The following ADA2 variants were observed in gnomAD, a reference collection of about 807,000 sequenced individuals.
ADA2 encodes the protein adenosine deaminase 2.
ADA2 carries 29 observed loss-of-function variants against 44.2 expected under a neutral mutation model. The observed-to-expected ratio is 0.66, with a 90% confidence interval of 0.49 to 0.89. ADA2 has a LOEUF of 0.89. Among genes scored for constraint, ADA2 ranks in the 40% least tolerant of loss-of-function variants. ADA2 has a pLI of 0.00. For synonymous variants in ADA2, 215 were observed against 234.9 expected (o/e 0.92, Z 0.77); for missense variants, 637 against 644.8 (o/e 0.99, Z 0.13).
intron 4 of ADA2, among the ~76,000 whole-genome samples, chr22:17,198,117 G>T (rs2062217446): frequency 6.6e-6 from 1 of 151,902 alleles, no homozygotes; most frequent in Non-Finnish European, 1.5e-5. Context: ...CCACATTTCA[G>T]AATTTTGCTT....
intron 7 of ADA2, among the ~76,000 whole-genome samples, chr22:17,188,063 G>C (rs927763233): frequency 2.0e-5 from 3 of 149,498 alleles, no homozygotes; most frequent in African/African-American, 7.4e-5. Context: ...GGGCGACAGA[G>C]GGAGACTCCG....
intron 7 of ADA2, among the ~76,000 whole-genome samples, chr22:17,187,676 AAAAAAAG>A (rs1211488432): frequency 1.3e-5 from 2 of 151,262 alleles, no homozygotes; most frequent in East Asian, 1.9e-4. Flanking sequence ...AAAAAAAAAA[AAAAAAAG>A]AAGAAGAAGA....
intron 4 of ADA2, 37 bp from the exon 5 acceptor site, chr22:17,191,847 C>CA: frequency 6.3e-7 from 1 of 1,587,228 alleles, no homozygotes; most frequent in Non-Finnish European, 8.6e-7. Flanking sequence ...GTCAGGTGAG[C>CA]AGTGAGAGAC....
intron 1 of ADA2, chr22:17,213,590 G>A: frequency 3.4e-6 from 1 of 290,582 alleles, no homozygotes; most frequent in South Asian, 3.2e-5. Context: ...AGCGGAAGAA[G>A]AAAAAGAAGG....
intron 3 of ADA2, among the ~76,000 whole-genome samples, chr22:17,205,718 C>G (rs2062347006): frequency 6.6e-6 from 1 of 152,222 alleles, no homozygotes; most frequent in South Asian, 2.1e-4. Context: ...TCGGCTCATG[C>G]CTGTAGTCCT....
intron 1 of ADA2, among the ~76,000 whole-genome samples, chr22:17,218,403 C>G (rs2062492899): frequency 6.6e-6 from 1 of 152,116 alleles, no homozygotes; most frequent in African/African-American, 2.4e-5. Context: ...AATCAGAGTG[C>G]TGGACGTCAG....
At chr22:17,213,217 G>A (rs1294884652) in intron 1 of ADA2, among the ~76,000 whole-genome samples, 1 of 152,126 alleles carries the variant, frequency 6.6e-6, no homozygotes, top group Non-Finnish European at 1.5e-5. Flanking sequence ...GTAGAGAAAA[G>A]GGAGCTCCTT....
intron 1 of ADA2, among the ~76,000 whole-genome samples, chr22:17,215,613 A>G (rs1251481000): frequency 5.3e-5 from 8 of 151,958 alleles, no homozygotes; most frequent in Non-Finnish European, 1.0e-4. Context: ...CTCAAAAAAA[A>G]AAAAAGAAAA....
intron 5 of ADA2, among the ~76,000 whole-genome samples, chr22:17,191,442 C>T (rs995276335): frequency 2.0e-5 from 3 of 152,202 alleles, no homozygotes; most frequent in African/African-American, 7.2e-5. Context: ...TTCACACATT[C>T]TTCATTTCAG....
At chr22:17,192,012 C>T (rs2062123022) in intron 4 of ADA2, among the ~76,000 whole-genome samples, 1 of 150,630 alleles carries the variant, frequency 6.6e-6, no homozygotes, top group Admixed American at 6.7e-5. Context: ...TCAACTCCTT[C>T]CCAGCCATCA....
chr22:17,188,475 G>A (rs1406983321), intron 6 of ADA2, 28 bp from the exon 7 acceptor site: 1 of 1,524,834 alleles, frequency 6.6e-7, no homozygotes, highest in Non-Finnish European at 9.1e-7. Flanking sequence ...ACAGGGAGGT[G>A]TCTGCAGGGC....
chr22:17,199,897 T>C, intron 4 of ADA2: 1 of 494,700 alleles, frequency 2.0e-6, no homozygotes, highest in Non-Finnish European at 3.2e-6. Context: ...CTGGGCAATA[T>C]GGTAAAACCC....
chr22:17,193,583 G>C (rs946995995), intron 4 of ADA2, among the ~76,000 whole-genome samples: 2 of 150,176 alleles, frequency 1.3e-5, no homozygotes, highest in Admixed American at 1.3e-4. Context: ...CAGGATAATC[G>C]CTTGAACCCA....
At chr22:17,191,870 C>T (rs1459746881) in intron 4 of ADA2, 60 bp from the exon 5 acceptor site, 69 of 1,532,866 alleles carry the variant, frequency 4.5e-5, no homozygotes, top group Non-Finnish European at 5.9e-5. Context: ...CACCCCCTTC[C>T]CAGCCACCCC....
At chr22:17,196,016 G>T (rs1167980880) in intron 4 of ADA2, among the ~76,000 whole-genome samples, 1 of 151,708 alleles carries the variant, frequency 6.6e-6, no homozygotes, top group Non-Finnish European at 1.5e-5. Context: ...CAAAGCGCTG[G>T]GATTACAGGC....
In ADA2 at chr22:17,203,764, C is replaced by G; in HGVS notation, c.552G>C (p.Arg184Ser). The G allele has an allele frequency of 6.2e-7, 1 of 1,613,136 alleles. No homozygotes were observed. Among genetic ancestry groups the G allele is most frequent in the Non-Finnish European group, 8.5e-7 (1 of 1,179,254 alleles). Reference sequence around the variant, plus strand: ...GGTGCTGGGTCACCAGAGTGAAATTCCTCAGCAAGCTGTCCAAGACACGAA... The same window carrying G: ...GGTGCTGGGTCACCAGAGTGAAATTGCTCAGCAAGCTGTCCAAGACACGAA... The part of the protein sequence containing the change: ...NVTEFDDSLL[R>S]NFTLVTQHPE... Residue 184 changes from arginine to serine, a missense_variant, in exon 4 of 10, where the codon AGG (arginine) becomes AGC (serine). Physicochemically the swap from Arg to Ser is moderately radical, Grantham distance 110. Coordinates refer to ENST00000399837, the MANE Select transcript of ADA2 (RefSeq NM_001282225.2).
intron 4 of ADA2, among the ~76,000 whole-genome samples, chr22:17,202,769 CT>C (rs1188918072): frequency 7.0e-6 from 1 of 142,966 alleles, no homozygotes; most frequent in Non-Finnish European, 1.5e-5. Context: ...CTTTTCCTTT[CT>C]TTCTTTTTTT....
At chr22:17,207,947 C>T (rs529268519) in intron 2 of ADA2, among the ~76,000 whole-genome samples, 2 of 152,300 alleles carry the variant, frequency 1.3e-5, no homozygotes, top group African/African-American at 2.4e-5. Flanking sequence ...CCACCAGACA[C>T]CAGCTGTGCC....
chr22:17,193,738 G>A (rs1440127385), intron 4 of ADA2, among the ~76,000 whole-genome samples: 1 of 151,650 alleles, frequency 6.6e-6, no homozygotes, highest in African/African-American at 2.4e-5. Context: ...AGGAGACAGG[G>A]AGCAATAATA....
Sources: gnomAD v4.1 joint callset for allele counts (sites outside exome capture counted in the v4.1 genomes callset) on GRCh38, gnomAD v4.1.1 for gene constraint, MANE v1.5 for transcripts, NCBI Gene and HGNC (gene_info 2026-07-23, HGNC 2026-07-21) for gene names.